The following DLG2 variants were observed in gnomAD, a reference collection of about 807,000 sequenced individuals.
The protein encoded by DLG2 is disks large homolog 2.
DLG2 carries 45 observed loss-of-function variants against 132.5 expected under a neutral mutation model. The observed-to-expected ratio is 0.34, with a 90% CI of 0.27 to 0.44. DLG2 has a LOEUF of 0.44. Ranked by LOEUF, DLG2 falls within the 20% of genes least tolerant of loss-of-function variation. The pLI, the probability that DLG2 is intolerant of heterozygous loss-of-function variation, is 1.00. For missense variants in DLG2, 1,045 were observed against 1,196.9 expected (o/e 0.87, Z 1.87); for synonymous variants, 424 against 419.6 (o/e 1.01, Z -0.13).
At chr11:84,339,069 A>G (rs143555219) in intron 7 of DLG2, among the ~76,000 whole-genome samples, 1,927 of 152,306 alleles carry the variant, frequency 0.013, 34 homozygotes, top group Middle Eastern at 0.044. Flanking sequence ...TATCTTGAGC[A>G]TGTACATTTA....
chr11:85,342,282 T>C (rs2082553211), intron 3 of DLG2, among the ~76,000 whole-genome samples: 1 of 152,204 alleles, frequency 6.6e-6, no homozygotes, highest in Non-Finnish European at 1.5e-5. Context: ...CTTTATATCC[T>C]TGTTTGTTAA....
intron 4 of DLG2, among the ~76,000 whole-genome samples, chr11:85,244,211 CT>C (rs2076027919): frequency 1.3e-5 from 2 of 151,938 alleles, no homozygotes; most frequent in Admixed American, 1.3e-4. Flanking sequence ...GAGAGCTAAA[CT>C]TTTCTTTTAG....
chr11:85,153,932 G>A (rs1036112747), intron 5 of DLG2, among the ~76,000 whole-genome samples: 1 of 151,992 alleles, frequency 6.6e-6, no homozygotes, highest in African/African-American at 2.4e-5. Context: ...ATGAAAACAA[G>A]TTTCTCTAAT....
intron 6 of DLG2, among the ~76,000 whole-genome samples, chr11:84,677,973 A>C (rs2099718405): frequency 2.0e-5 from 3 of 152,082 alleles, no homozygotes; most frequent in Admixed American, 6.6e-5. Context: ...ATACAAAGCA[A>C]AATTCTTCAG....
intron 10 of DLG2, among the ~76,000 whole-genome samples, chr11:84,071,435 T>C (rs1488504683): frequency 6.6e-6 from 1 of 152,060 alleles, no homozygotes; most frequent in Non-Finnish European, 1.5e-5. Context: ...GATGGGGGTC[T>C]TGCTCTGTGG....
chr11:84,732,543 T>G (rs1009640749), intron 6 of DLG2, among the ~76,000 whole-genome samples: 2 of 151,958 alleles, frequency 1.3e-5, no homozygotes, highest in Non-Finnish European at 2.9e-5. Flanking sequence ...TTCATGTGGT[T>G]TTTTTCCCTG....
intron 7 of DLG2, among the ~76,000 whole-genome samples, chr11:84,499,347 A>G (rs2099195315): frequency 6.6e-6 from 1 of 152,200 alleles, no homozygotes; most frequent in South Asian, 2.1e-4. Context: ...AATAAACAAC[A>G]TGGTAGTAAC....
intron 18 of DLG2, among the ~76,000 whole-genome samples, chr11:83,667,440 C>G (rs932835186): frequency 6.6e-6 from 1 of 152,086 alleles, no homozygotes; most frequent in Non-Finnish European, 1.5e-5. Flanking sequence ...TTATTTCTGC[C>G]GATCCCAAGG....
chr11:85,581,629 A>AAAAC (rs796893647), intron 3 of DLG2, among the ~76,000 whole-genome samples: 9 of 152,030 alleles, frequency 5.9e-5, no homozygotes, highest in Non-Finnish European at 1.2e-4. Flanking sequence ...AACAAACAAA[A>AAAAC]AAACAAACAA....
chr11:84,056,236 C>T (rs2096496315), intron 11 of DLG2, among the ~76,000 whole-genome samples: 1 of 152,028 alleles, frequency 6.6e-6, no homozygotes, highest in African/African-American at 2.4e-5. Context: ...CCCACAACCC[C>T]GGAACAGGCC....
chr11:85,128,794 G>C (rs2075404985), intron 5 of DLG2, among the ~76,000 whole-genome samples: 1 of 152,098 alleles, frequency 6.6e-6, no homozygotes, highest in South Asian at 2.1e-4. Context: ...ATTGTGTTTA[G>C]CCAGTGTTAT....
At chr11:84,281,684 A>T (rs188343440) in intron 7 of DLG2, among the ~76,000 whole-genome samples, 1 of 151,920 alleles carries the variant, frequency 6.6e-6, no homozygotes, top group Admixed American at 6.6e-5. Context: ...AATCAGAAAA[A>T]AAAACCCAAA....
intron 18 of DLG2, among the ~76,000 whole-genome samples, chr11:83,680,209 T>C (rs1263503229): frequency 6.6e-6 from 1 of 152,152 alleles, no homozygotes; most frequent in African/African-American, 2.4e-5. Context: ...TTTGTTGAGA[T>C]TGGTACATAG....
intron 3 of DLG2, among the ~76,000 whole-genome samples, chr11:85,423,160 T>C (rs541742288): frequency 1.3e-5 from 2 of 152,316 alleles, no homozygotes; most frequent in African/African-American, 4.8e-5. Context: ...CTCCCCTTTT[T>C]CCTATGGATG....
intron 6 of DLG2, among the ~76,000 whole-genome samples, chr11:84,837,515 A>G (rs2079982708): frequency 6.6e-6 from 1 of 151,746 alleles, no homozygotes; most frequent in Non-Finnish European, 1.5e-5. Context: ...ATTAGTAAAA[A>G]CTGCCCTAAA....
In DLG2 at chr11:84,593,440, A is replaced by G. The variant is rs11234091; in HGVS notation, c.358-58709T>C. Among the ~76,000 whole-genome samples the G allele has an allele frequency of 2.6e-3, 399 of 152,346 alleles. 5 individuals carry two copies. The highest frequency in any genetic ancestry group is 6.1e-3 in the Admixed American group (94 of 15,304). ...CTAGAAAAAGAAAATGTGCACATAT[A>G]CACCATGGAATACTATGCAGCCATA... On this transcript the variant is annotated intron_variant, in intron 6 of 27. Transcript: ENST00000376104.
chr11:84,792,776 T>A (rs2074045965), intron 6 of DLG2, among the ~76,000 whole-genome samples: 1 of 152,144 alleles, frequency 6.6e-6, no homozygotes, highest in African/African-American at 2.4e-5. Context: ...TGTTTTCTTT[T>A]CATCTCTGAT....
At chr11:83,503,602 G>C (rs2094559340) in intron 21 of DLG2, among the ~76,000 whole-genome samples, 1 of 151,672 alleles carries the variant, frequency 6.6e-6, no homozygotes, top group African/African-American at 2.4e-5. Context: ...GAAGCATCCA[G>C]CATGGGAGAA....
At chr11:85,198,725 A>C (rs575022092) in intron 4 of DLG2, among the ~76,000 whole-genome samples, 1 of 152,194 alleles carries the variant, frequency 6.6e-6, no homozygotes, top group Admixed American at 6.5e-5. Context: ...TTATTTTGGC[A>C]TTTCTAATTT....
Sources: allele counts gnomAD v4.1 joint callset (sites outside exome capture counted in the v4.1 genomes callset), GRCh38; gene constraint gnomAD v4.1.1; transcripts MANE v1.5; gene names NCBI Gene and HGNC (gene_info 2026-07-23, HGNC 2026-07-21).